Variants in PTPRE observed in about 807,000 individuals in gnomAD.
PTPRE encodes receptor-type tyrosine-protein phosphatase epsilon.
PTPRE carries 51 observed loss-of-function variants against 102.0 expected under a neutral mutation model. The ratio of observed to expected loss-of-function variants is 0.50; its 90% CI spans 0.40 to 0.63. PTPRE has a LOEUF of 0.63. Ranked by LOEUF, PTPRE falls within the 30% of genes least tolerant of loss-of-function variation. The pLI, the probability that PTPRE is intolerant of heterozygous loss-of-function variation, is 0.00. For missense variants in PTPRE, 752 were observed against 915.1 expected (o/e 0.82, Z 2.30); for synonymous variants, 345 against 348.2 (o/e 0.99, Z 0.10).
At chr10:128,013,398 G>A (rs1298465026) in intron 2 of PTPRE, among the ~76,000 whole-genome samples, 2 of 152,160 alleles carry the variant, frequency 1.3e-5, no homozygotes, top group Non-Finnish European at 2.9e-5. Context: ...TAGAAATGGA[G>A]GGAGAATCCT....
intron 2 of PTPRE, among the ~76,000 whole-genome samples, chr10:128,007,245 C>T (rs778644195): frequency 2.0e-5 from 3 of 152,114 alleles, no homozygotes; most frequent in Admixed American, 6.5e-5. Context: ...CAACTCCAAC[C>T]TTTTTTCATA....
chr10:127,986,308 G>C (rs1852087275), intron 2 of PTPRE, among the ~76,000 whole-genome samples: 1 of 152,168 alleles, frequency 6.6e-6, no homozygotes, highest in African/African-American at 2.4e-5. Flanking sequence ...TTGCAACTCT[G>C]TGGGTCTCTC....
intron 2 of PTPRE, among the ~76,000 whole-genome samples, chr10:128,003,472 G>C (rs4073017): frequency 6.6e-6 from 1 of 151,908 alleles, no homozygotes; most frequent in South Asian, 2.1e-4. Flanking sequence ...ACTATACTCT[G>C]TTACATTCAT....
chr10:128,042,080 A>G (rs1046128526), intron 3 of PTPRE, among the ~76,000 whole-genome samples: 1 of 152,208 alleles, frequency 6.6e-6, no homozygotes, highest in South Asian at 2.1e-4. Flanking sequence ...AGCTGCCCGC[A>G]AATATTAACT....
intron 1 of PTPRE, among the ~76,000 whole-genome samples, chr10:127,924,162 G>A (rs1846833828): frequency 6.6e-6 from 1 of 152,220 alleles, no homozygotes; most frequent in Non-Finnish European, 1.5e-5. Context: ...ATAGGGACAA[G>A]TTACAGGGTG....
intron 11 of PTPRE, 91 bp from the exon 12 acceptor site, chr10:128,068,032 G>T: frequency 6.9e-7 from 1 of 1,444,946 alleles, no homozygotes; most frequent in East Asian, 2.3e-5. Context: ...CCCAGCACAG[G>T]GGAGCCCACG....
In PTPRE at chr10:128,017,335, G is replaced by A. The variant is rs888676255; in HGVS notation, c.-7-23540G>A. Among the ~76,000 whole-genome samples the A allele has an allele frequency of 2.1e-4, 32 of 152,140 alleles. 1 individual carries two copies. Among genetic ancestry groups the A allele is most frequent in the Admixed American group, 2.1e-3 (32 of 15,276 alleles). ...AAATTGGAGGTAAGAGGCCTGGCAC[G>A]CTTGCTGGATGGGCCAGTGTGCACA... On this transcript the variant is annotated intron_variant, in intron 2 of 20. Transcript: ENST00000254667.
chr10:128,008,798 G>A lies in PTPRE; in HGVS notation c.-8+26502G>A, dbSNP rs530313313. Among the ~76,000 whole-genome samples, 1 of 152,318 alleles carries A rather than the reference G, an allele frequency of 6.6e-6. No homozygotes were observed. Among genetic ancestry groups the A allele is most frequent in the South Asian group, 2.1e-4 (1 of 4,828 alleles). On this transcript the variant is annotated intron_variant, in intron 2 of 20. Transcript: ENST00000254667. The surrounding 1 kb of genome is among the most constrained non-coding windows in gnomAD (Gnocchi z 4.0). ...ATGCACCAAAGCCTCCAGGCATCCA[G>A]CCTGTGTCCTCATCCTGCCAGGGCC...
At chr10:127,954,548 A>C (rs1043708091) in intron 1 of PTPRE, among the ~76,000 whole-genome samples, 1 of 152,194 alleles carries the variant, frequency 6.6e-6, no homozygotes, top group Admixed American at 6.5e-5. Flanking sequence ...GAAGTGCAGC[A>C]GTGGGCTCAT....
intron 1 of PTPRE, among the ~76,000 whole-genome samples, chr10:127,927,563 G>C (rs996687326): frequency 6.6e-6 from 1 of 152,166 alleles, no homozygotes; most frequent in African/African-American, 2.4e-5. Context: ...TCAAGCCCCA[G>C]TTTGTCTCCC....
At chr10:127,993,741 G>A (rs1589939702) in intron 2 of PTPRE, among the ~76,000 whole-genome samples, 1 of 150,574 alleles carries the variant, frequency 6.6e-6, no homozygotes, top group African/African-American at 2.5e-5. Flanking sequence ...TCCTTTCTTC[G>A]TGTTCTCTCT....
At chr10:128,041,646 C>CAAAAAAAAAAAAAAAAAAA (rs59411622) in intron 3 of PTPRE, among the ~76,000 whole-genome samples, 1 of 77,366 alleles carries the variant, frequency 1.3e-5, no homozygotes. Context: ...GACTACGTCT[C>CAAAAAAAAAAAAAAAAAAA]AAAAAAAAAA....
intron 9 of PTPRE, among the ~76,000 whole-genome samples, chr10:128,062,407 A>C (rs1849686134): frequency 6.6e-6 from 1 of 152,248 alleles, no homozygotes; most frequent in South Asian, 2.1e-4. Context: ...AACCTCAGGA[A>C]ACCTGACGAT....
rs537154458 is a variant in PTPRE, at chr10:128,065,114, G to A, written c.724-961G>A. On this transcript the variant is annotated intron_variant, in intron 10 of 20. Transcript: ENST00000254667. The stretch of plus-strand genomic sequence containing the variant: ...GAGATGGCCTGTGACCCACAGCCCC[G>A]CAGCCCCGCCCGGAGCCAGGTGTAA... Among the ~76,000 whole-genome samples the A allele has an allele frequency of 2.8e-4, 41 of 148,776 alleles. 1 individual carries two copies. In the South Asian group the frequency reaches 3.5e-3, roughly 13 times the overall value.
chr10:127,923,591 AC>A (rs1300661510), intron 1 of PTPRE, among the ~76,000 whole-genome samples: 1 of 152,012 alleles, frequency 6.6e-6, no homozygotes, highest in African/African-American at 2.4e-5. Context: ...TTTAGTAAGG[AC>A]TGGGTTTCAC....
At chr10:128,036,092 G>A (rs1847191735) in intron 2 of PTPRE, among the ~76,000 whole-genome samples, 1 of 151,964 alleles carries the variant, frequency 6.6e-6, no homozygotes, top group Non-Finnish European at 1.5e-5. Flanking sequence ...TTGGGAAGTG[G>A]ACGGGGATCA....
At chr10:127,939,636 A>G (rs1199391487) in intron 1 of PTPRE, among the ~76,000 whole-genome samples, 1 of 152,202 alleles carries the variant, frequency 6.6e-6, no homozygotes, top group Non-Finnish European at 1.5e-5. Context: ...TTGCTCTTCC[A>G]CATGGTCAGG....
At chr10:128,077,329 G>T (rs1851289473) in intron 18 of PTPRE, among the ~76,000 whole-genome samples, 1 of 152,228 alleles carries the variant, frequency 6.6e-6, no homozygotes, top group Admixed American at 6.5e-5. Flanking sequence ...CTCTCCAGCA[G>T]AGCTGCCAAG....
At chr10:128,045,358 C>T (rs1590121854) in intron 3 of PTPRE, among the ~76,000 whole-genome samples, 1 of 152,246 alleles carries the variant, frequency 6.6e-6, no homozygotes, top group Admixed American at 6.5e-5. Context: ...CCTCGTGTCT[C>T]TCTCTGATGA....
Sources: gnomAD v4.1 joint callset for allele counts (sites outside exome capture counted in the v4.1 genomes callset) on GRCh38, gnomAD v4.1.1 for gene constraint, Gnocchi (gnomAD v3.1) non-coding constraint, MANE v1.5 for transcripts, NCBI Gene and HGNC (gene_info 2026-07-23, HGNC 2026-07-21) for gene names.